The following ASB3 variants were observed in gnomAD, a reference collection of about 807,000 sequenced individuals.
ASB3 encodes the protein ankyrin repeat and SOCS box protein 3.
Under a neutral mutation model 54.5 loss-of-function variants are expected in ASB3, and 41 were observed. The observed-to-expected ratio is 0.75, with a 90% confidence interval of 0.59 to 0.98. ASB3 has a LOEUF of 0.98. ASB3 is among the 50% of genes least tolerant of loss of function. The pLI, the probability that ASB3 is intolerant of heterozygous loss-of-function variation, is 0.00. For synonymous variants in ASB3, 266 were observed against 221.2 expected, an observed-to-expected ratio of 1.20 and a Z score of -1.80; for missense variants, 733 against 620.0, an observed-to-expected ratio of 1.18 and a Z score of -1.94.
intron 1 of ASB3, among the ~76,000 whole-genome samples, chr2:53,779,712 C>G (rs1180235139): frequency 1.3e-5 from 2 of 152,184 alleles, no homozygotes; most frequent in Non-Finnish European, 2.9e-5. Context: ...GATGGGATTA[C>G]AGGTATGAGC....
At chr2:53,677,202 T>C (rs1668127117) in intron 9 of ASB3, among the ~76,000 whole-genome samples, 1 of 152,360 alleles carries the variant, frequency 6.6e-6, no homozygotes, top group East Asian at 1.9e-4. Flanking sequence ...GGCTATACTA[T>C]GTAGCCTCAG....
At chr2:53,733,092 C>T (rs114272138) in intron 3 of ASB3, among the ~76,000 whole-genome samples, 2,135 of 152,264 alleles carry the variant, frequency 0.014, 23 homozygotes, top group Non-Finnish European at 0.021. Context: ...ACAGAGTCAA[C>T]CACTCACGTA....
chr2:53,747,139 C>G (rs1672270265), intron 3 of ASB3, among the ~76,000 whole-genome samples: 1 of 151,848 alleles, frequency 6.6e-6, no homozygotes, highest in Non-Finnish European at 1.5e-5. Flanking sequence ...AAATGGGACT[C>G]TAATAATAAT....
At chr2:53,703,012 A>T (rs894516678) in intron 7 of ASB3, among the ~76,000 whole-genome samples, 1 of 152,232 alleles carries the variant, frequency 6.6e-6, no homozygotes, top group Non-Finnish European at 1.5e-5. Context: ...GAATGGACAC[A>T]ATTAATTCTA....
At chr2:53,693,127 AGTG>A (rs1669003114) in intron 9 of ASB3, among the ~76,000 whole-genome samples, 1 of 152,204 alleles carries the variant, frequency 6.6e-6, no homozygotes, top group South Asian at 2.1e-4. Flanking sequence ...TAAAAATAGC[AGTG>A]AAGAAACAAT....
intron 2 of ASB3, among the ~76,000 whole-genome samples, chr2:53,753,876 G>A (rs1487170671): frequency 1.3e-5 from 2 of 151,948 alleles, no homozygotes; most frequent in Admixed American, 6.6e-5. Flanking sequence ...CCTGGCCTCA[G>A]GTGATCTGCC....
At chr2:53,725,539 G>A (rs1670947746) in intron 5 of ASB3, among the ~76,000 whole-genome samples, 1 of 152,176 alleles carries the variant, frequency 6.6e-6, no homozygotes, top group Admixed American at 6.5e-5. Context: ...CACTTTTTGT[G>A]AAGATTTTGA....
At chr2:53,742,006 A>G (rs552528137) in intron 3 of ASB3, among the ~76,000 whole-genome samples, 2 of 152,318 alleles carry the variant, frequency 1.3e-5, no homozygotes, top group African/African-American at 4.8e-5. Flanking sequence ...CTCAAAGGTC[A>G]GGGGCTCCCT....
At chr2:53,708,861 C>T (rs1669937123) in intron 7 of ASB3, among the ~76,000 whole-genome samples, 1 of 152,194 alleles carries the variant, frequency 6.6e-6, no homozygotes, top group Admixed American at 6.5e-5. Context: ...AGCCTGTCTG[C>T]TTGTAAGAGC....
chr2:53,718,828 G>C (rs1558536973), intron 5 of ASB3, among the ~76,000 whole-genome samples: 1 of 151,408 alleles, frequency 6.6e-6, no homozygotes, highest in Non-Finnish European at 1.5e-5. Context: ...CGTCTCACAT[G>C]TAACAACACC....
intron 1 of ASB3, among the ~76,000 whole-genome samples, chr2:53,770,790 T>G (rs1309175140): frequency 1.3e-5 from 2 of 152,188 alleles, no homozygotes; most frequent in Admixed American, 6.5e-5. Flanking sequence ...ACAAGTGGTC[T>G]GATTGTCCCA....
chr2:53,682,254 C>T (rs1199821119), intron 9 of ASB3, among the ~76,000 whole-genome samples: 1 of 151,474 alleles, frequency 6.6e-6, no homozygotes, highest in East Asian at 1.9e-4. Flanking sequence ...CTGTAGATTG[C>T]TTTAAGTAGT....
chr2:53,753,880 A>G lies in ASB3; in HGVS notation c.197-2939T>C, dbSNP rs1189770243. Among the ~76,000 whole-genome samples the G allele has an allele frequency of 2.0e-5, 3 of 151,980 alleles. No homozygotes were observed. In the East Asian group the frequency reaches 5.8e-4, roughly 29 times the overall value. On this transcript the variant is annotated intron_variant, in intron 2 of 9. Transcript: ENST00000263634. Reference sequence around the variant, plus strand: ...GGTCTCAAACTCCTGGCCTCAGGTGATCTGCCCGACTTGGCCTCCCAAAGT... The same window carrying G: ...GGTCTCAAACTCCTGGCCTCAGGTGGTCTGCCCGACTTGGCCTCCCAAAGT...
intron 1 of ASB3, chr2:53,772,021 A>G (rs894781269): frequency 1.1e-5 from 9 of 830,252 alleles, no homozygotes; most frequent in African/African-American, 3.5e-5. Context: ...TTGATTAACA[A>G]TCATCACAGA....
At chr2:53,680,148 T>C (rs1182913244) in intron 9 of ASB3, among the ~76,000 whole-genome samples, 1 of 152,206 alleles carries the variant, frequency 6.6e-6, no homozygotes, top group African/African-American at 2.4e-5. Flanking sequence ...CTACCACTGA[T>C]GGGCATTTAG....
intron 1 of ASB3, among the ~76,000 whole-genome samples, chr2:53,765,912 CCA>C (rs1673422405): frequency 9.7e-6 from 1 of 103,252 alleles, no homozygotes; most frequent in Non-Finnish European, 2.7e-5. Context: ...CTTTGGTGCT[CCA>C]TTGATAAGAG....
chr2:53,726,655 T>C (rs1466953265), intron 5 of ASB3, among the ~76,000 whole-genome samples: 1 of 151,414 alleles, frequency 6.6e-6, no homozygotes, highest in Non-Finnish European at 1.5e-5. Flanking sequence ...CACACATATA[T>C]ATACACACAC....
chr2:53,722,933 A>G (rs937871144), intron 5 of ASB3, among the ~76,000 whole-genome samples: 5 of 152,310 alleles, frequency 3.3e-5, no homozygotes, highest in Middle Eastern at 3.4e-3. Context: ...TTCTATACCA[A>G]GAAAACCCTG....
intron 1 of ASB3, among the ~76,000 whole-genome samples, chr2:53,784,117 T>C (rs949830800): frequency 2.0e-5 from 3 of 152,266 alleles, no homozygotes; most frequent in African/African-American, 7.2e-5. Context: ...ATTTTTTCTC[T>C]GCAGATGCAA....
Sources: gnomAD v4.1 joint callset for allele counts (sites outside exome capture counted in the v4.1 genomes callset) on GRCh38, gnomAD v4.1.1 for gene constraint, MANE v1.5 for transcripts, NCBI Gene and HGNC (gene_info 2026-07-23, HGNC 2026-07-21) for gene names.